Variants in GATB observed in about 807,000 individuals in gnomAD.
GATB encodes the protein glutamyl-tRNA amidotransferase subunit B.
Under a neutral mutation model 62.3 loss-of-function variants are expected in GATB, and 39 were observed. That is an observed-to-expected ratio of 0.63 (90% CI 0.48 to 0.82). GATB has a LOEUF of 0.82. Ranked by LOEUF, GATB falls within the 40% of genes least tolerant of loss-of-function variation. The pLI is 0.00. For synonymous variants in GATB, 276 were observed against 258.9 expected (o/e 1.07, Z -0.63); for missense variants, 670 against 684.0 (o/e 0.98, Z 0.23).
At chr4:151,741,100 C>T (rs1004673886) in intron 2 of GATB, among the ~76,000 whole-genome samples, 3 of 152,190 alleles carry the variant, frequency 2.0e-5, no homozygotes, top group African/African-American at 7.2e-5. Flanking sequence ...CCTGAGACCT[C>T]GGATGGTACC....
intron 3 of GATB, among the ~76,000 whole-genome samples, chr4:151,719,040 C>T (rs111318817): frequency 1.6e-4 from 24 of 152,344 alleles, no homozygotes; most frequent in African/African-American, 5.3e-4. Context: ...AAGCGATTCG[C>T]TCTCGCTCTG....
chr4:151,693,194 T>C (rs1578904378), intron 9 of GATB, among the ~76,000 whole-genome samples: 2 of 150,628 alleles, frequency 1.3e-5, no homozygotes. Flanking sequence ...AAAATGGCCC[T>C]GAAAATAACA....
chr4:151,752,819 G>A (rs1476155498), intron 2 of GATB, among the ~76,000 whole-genome samples: 1 of 151,974 alleles, frequency 6.6e-6, no homozygotes. Context: ...GGTGATTTTT[G>A]GCTCTCAATC....
At chr4:151,712,670 C>T (rs540235412) in intron 5 of GATB, among the ~76,000 whole-genome samples, 14 of 151,970 alleles carry the variant, frequency 9.2e-5, no homozygotes, top group Non-Finnish European at 2.1e-4. Flanking sequence ...TTTTACTGAA[C>T]GTATTTTACA....
At chr4:151,732,295 G>A (rs1224491512) in intron 2 of GATB, among the ~76,000 whole-genome samples, 2 of 152,232 alleles carry the variant, frequency 1.3e-5, no homozygotes, top group African/African-American at 4.8e-5. Context: ...GAAAGGTGGG[G>A]AAAAGATAGA....
intron 9 of GATB, 77 bp from the exon 10 acceptor site, chr4:151,688,840 A>G: frequency 7.0e-7 from 1 of 1,431,754 alleles, no homozygotes; most frequent in Non-Finnish European, 9.3e-7. Flanking sequence ...GCAAATCTGA[A>G]ACTGTCCCCT....
At chr4:151,732,984 A>G (rs1578930585) in intron 2 of GATB, among the ~76,000 whole-genome samples, 1 of 152,084 alleles carries the variant, frequency 6.6e-6, no homozygotes, top group Non-Finnish European at 1.5e-5. Context: ...TTAGGAGGAA[A>G]GTTCACAGCC....
intron 2 of GATB, chr4:151,720,261 A>G (rs1739001435): frequency 6.6e-6 from 1 of 152,178 alleles, no homozygotes; most frequent in African/African-American, 2.4e-5. Flanking sequence ...GCTTTTAAGA[A>G]CACTGGGGGT....
chr4:151,681,924 G>A (rs1303499222), intron 10 of GATB, among the ~76,000 whole-genome samples: 2 of 151,988 alleles, frequency 1.3e-5, no homozygotes, highest in Admixed American at 6.6e-5. Flanking sequence ...TGACCTAATC[G>A]CCCACCAAAG....
chr4:151,672,358 C>A (rs539585826), intron 12 of GATB, among the ~76,000 whole-genome samples: 12 of 152,306 alleles, frequency 7.9e-5, no homozygotes, highest in South Asian at 2.1e-4. Context: ...CCTGTACTCT[C>A]CCTGCTCTGC....
intron 10 of GATB, among the ~76,000 whole-genome samples, chr4:151,687,290 C>T (rs1002704187): frequency 1.2e-4 from 19 of 152,324 alleles, no homozygotes; most frequent in African/African-American, 2.9e-4. Flanking sequence ...GCAGGCAGCT[C>T]GAAGTCAGCA....
At chr4:151,742,878 A>T (rs1009268060) in intron 2 of GATB, among the ~76,000 whole-genome samples, 6 of 152,252 alleles carry the variant, frequency 3.9e-5, no homozygotes, top group African/African-American at 1.2e-4. Context: ...AGATCACCCA[A>T]GAACTTCAGG....
intron 9 of GATB, 21 bp from the exon 10 acceptor site, chr4:151,688,784 A>T (rs1227887511): frequency 6.4e-7 from 1 of 1,569,176 alleles, no homozygotes; most frequent in African/African-American, 1.4e-5. Flanking sequence ...AAAAAAAAGA[A>T]AATTACATAA....
chr4:151,721,588 C>A (rs1464384819), intron 2 of GATB: 1 of 152,434 alleles, frequency 6.6e-6, no homozygotes, highest in Non-Finnish European at 1.5e-5. Flanking sequence ...AGCTGCAGTC[C>A]CGACCCTGGG....
chr4:151,722,110 T>A, intron 2 of GATB: 2 of 671,378 alleles, frequency 3.0e-6, no homozygotes, highest in Non-Finnish European at 5.3e-6. Context: ...AAAAAAGGAA[T>A]TTCCTAGGAT....
intron 9 of GATB, among the ~76,000 whole-genome samples, chr4:151,699,380 C>T (rs954036610): frequency 1.4e-5 from 2 of 145,844 alleles, no homozygotes; most frequent in Admixed American, 1.4e-4. Flanking sequence ...GAGTTGAGAC[C>T]CTGTCTCAAA....
intron 2 of GATB, among the ~76,000 whole-genome samples, chr4:151,736,765 T>C (rs1560862088): frequency 6.6e-6 from 1 of 152,088 alleles, no homozygotes; most frequent in Admixed American, 6.6e-5. Flanking sequence ...AATTGAATCA[T>C]GGGGGCAGGT....
intron 2 of GATB, among the ~76,000 whole-genome samples, chr4:151,738,079 C>T (rs534672865): frequency 6.6e-6 from 1 of 152,262 alleles, no homozygotes; most frequent in South Asian, 2.1e-4. Flanking sequence ...CCTCCAGACC[C>T]CAGAAAGGTA....
At chr4:151,735,313 C>T (rs1192787383) in intron 2 of GATB, among the ~76,000 whole-genome samples, 4 of 149,414 alleles carry the variant, frequency 2.7e-5, no homozygotes, top group African/African-American at 7.4e-5. Flanking sequence ...AGAAGATATA[C>T]AAATGGCCAA....
Sources: allele counts gnomAD v4.1 joint callset (sites outside exome capture counted in the v4.1 genomes callset), GRCh38; gene constraint gnomAD v4.1.1; transcripts MANE v1.5; gene names NCBI Gene and HGNC (gene_info 2026-07-23, HGNC 2026-07-21).